The following ASNS variants were observed in gnomAD, a reference collection of about 807,000 sequenced individuals.
The protein encoded by ASNS is asparagine synthetase (glutamine-hydrolyzing).
ASNS carries 37 observed loss-of-function variants against 62.6 expected under a neutral mutation model. The observed-to-expected ratio is 0.59, with a 90% confidence interval of 0.45 to 0.78. The LOEUF (loss-of-function observed/expected upper bound fraction) is 0.78, where lower values mean the gene tolerates loss of function less well. ASNS is among the 30% of genes least tolerant of loss of function. ASNS has a pLI of 0.00. For synonymous variants in ASNS, 207 were observed against 237.9 expected, an observed-to-expected ratio of 0.87 and a Z score of 1.19; for missense variants, 520 against 682.4, an observed-to-expected ratio of 0.76 and a Z score of 2.65.
At chr7:97,887,358 G>A in the ASNS span, among the ~76,000 whole-genome samples, 1 of 152,188 alleles carries the variant, frequency 6.6e-6, no homozygotes, top group Non-Finnish European at 1.5e-5. Flanking sequence ...TTGTATTGGT[G>A]GTTAGAGGGT....
chr7:97,892,943 G>A, the ASNS span, among the ~76,000 whole-genome samples: 7 of 152,134 alleles, frequency 4.6e-5, no homozygotes, highest in Non-Finnish European at 1.0e-4. Flanking sequence ...GTATCTTTTA[G>A]CAACACCCCA....
chr7:97,864,006 C>A, intron 4 of ASNS: 1 of 363,110 alleles, frequency 2.8e-6, no homozygotes, highest in African/African-American at 2.1e-5. Context: ...CACTTAAGAT[C>A]AAGCTAGATG....
chr7:97,870,004 C>G, intron 1 of ASNS, 191 bp from the exon 2 acceptor site: 1 of 215,594 alleles, frequency 4.6e-6, no homozygotes, highest in Non-Finnish European at 9.1e-6. Flanking sequence ...GAGACATATA[C>G]ACCAACAACA....
chr7:97,917,216 CAAAAAAAAAA>C, the ASNS span, among the ~76,000 whole-genome samples: 4 of 113,652 alleles, frequency 3.5e-5, no homozygotes, highest in African/African-American at 1.3e-4. Flanking sequence ...ATATTTGCAC[CAAAAAAAAAA>C]AAAAAAAAAA....
chr7:97,862,325 G>A (rs1436989184), intron 4 of ASNS, among the ~76,000 whole-genome samples: 3 of 152,094 alleles, frequency 2.0e-5, no homozygotes, highest in African/African-American at 7.2e-5. Context: ...AACTATAAAT[G>A]TATACTGCTA....
At position 97,852,458 on chromosome 7, in the gene ASNS, G is replaced by C; in HGVS notation, c.1487C>G (p.Ala496Gly). 6.2e-7 allele frequency: 1 copy of C among 1,614,078 alleles called. No homozygotes were observed. The highest frequency in any genetic ancestry group is 8.5e-7 in the Non-Finnish European group (1 of 1,179,976). Residue 496 changes from alanine to glycine, a missense_variant, in exon 13 of 13, where the codon GCA (alanine) becomes GGA (glycine). Physicochemically the swap from Ala to Gly is moderately conservative, Grantham distance 60. Transcript: ENST00000394308. ...QEYVEHQVDD[A>G]MMANAAQKFP... is the part of the protein sequence containing the mutation. ...TTTCTGGGCTGCATTTGCCATCATTGCATCATCAACCTGTAAGAATAAGCA... is the reference window on the plus strand; with the variant it reads ...TTTCTGGGCTGCATTTGCCATCATTCCATCATCAACCTGTAAGAATAAGCA...
At position 97,854,754 on chromosome 7, in the gene ASNS, C is replaced by A. The variant is rs567144114; in HGVS notation, c.1138-74G>T. On this transcript the variant is annotated intron_variant, in intron 9 of 12. Coordinates refer to ENST00000394308, the MANE Select transcript of ASNS (RefSeq NM_001673.5). ...CAGTTTTTCTTTCTCCCTCTCCAAT[C>A]CTAAAGGTGGATAAGACAAAAAGTT... The A allele has an allele frequency of 7.0e-4, 1,125 of 1,601,870 alleles. 1 individual carries two copies. The highest frequency in any genetic ancestry group is 9.3e-4 in the Non-Finnish European group (1,089 of 1,173,582).
At chr7:97,888,068 G>A in the ASNS span, among the ~76,000 whole-genome samples, 2 of 152,172 alleles carry the variant, frequency 1.3e-5, no homozygotes, top group Admixed American at 1.3e-4. Context: ...TCAAAATCCT[G>A]GGCTCAAGTG....
the ASNS span, among the ~76,000 whole-genome samples, chr7:97,920,062 C>T: frequency 1.3e-5 from 2 of 151,204 alleles, no homozygotes; most frequent in Non-Finnish European, 1.5e-5. Context: ...GGCTGGAGTA[C>T]AGTGGCACAA....
the ASNS span, among the ~76,000 whole-genome samples, chr7:97,927,276 CA>C: frequency 1.3e-5 from 2 of 152,058 alleles, no homozygotes. Context: ...AAAAACACAC[CA>C]AGGCATGAGT....
At chr7:97,878,490 G>A in the ASNS span, among the ~76,000 whole-genome samples, 90 of 152,216 alleles carry the variant, frequency 5.9e-4, no homozygotes, top group Non-Finnish European at 8.4e-4. Context: ...ACAAGCATTC[G>A]TATACACCAA....
chr7:97,866,449 T>C (rs1307393634), intron 3 of ASNS, among the ~76,000 whole-genome samples: 1 of 152,186 alleles, frequency 6.6e-6, no homozygotes, highest in African/African-American at 2.4e-5. Flanking sequence ...TGTCTGCCAC[T>C]GCATGCAGAG....
the ASNS span, chr7:97,898,656 C>T: frequency 3.0e-6 from 2 of 667,616 alleles, no homozygotes. Context: ...TGGTGCTGAG[C>T]ATAAGAGGTC....
the ASNS span, among the ~76,000 whole-genome samples, chr7:97,880,831 A>T: frequency 6.6e-6 from 1 of 152,020 alleles, no homozygotes; most frequent in African/African-American, 2.4e-5. Context: ...AGATTTTAAA[A>T]CCCCAGTGCC....
the ASNS span, among the ~76,000 whole-genome samples, chr7:97,916,149 G>A: frequency 6.6e-5 from 10 of 152,090 alleles, no homozygotes; most frequent in Non-Finnish European, 1.2e-4. Context: ...TTGGGAGGCC[G>A]AGTTGGATCA....
rs1323875795 is a variant in ASNS at position 97,856,748 on chromosome 7, C to T, written c.972G>A (p.Leu324=). Residue 324 remains leucine, a synonymous_variant, in exon 8 of 13, where the codon CTG becomes CTA. Coordinates refer to ENST00000394308, the MANE Select transcript of ASNS (RefSeq NM_001673.5). ...TTTCCAAGGAAAATATGACTTCATC[C>T]AGAGCCTGAATGCCTTCCTCAGAGT... ...LFNSEEGIQA[L]DEVIFSLETY... is the part of the protein sequence containing the mutation. 1 of 1,613,370 alleles carries T rather than the reference C, an allele frequency of 6.2e-7. No individual in the cohort carries two copies. The highest frequency in any genetic ancestry group is 8.5e-7 in the Non-Finnish European group (1 of 1,179,682).
At chr7:97,861,801 G>A (rs551141374) in intron 4 of ASNS, among the ~76,000 whole-genome samples, 1 of 152,254 alleles carries the variant, frequency 6.6e-6, no homozygotes, top group South Asian at 2.1e-4. Context: ...ATGATCATGG[G>A]ATACTTTTCC....
the ASNS span, among the ~76,000 whole-genome samples, chr7:97,896,602 G>A: frequency 0.018 from 1,852 of 105,112 alleles, no homozygotes; most frequent in East Asian, 0.023. Flanking sequence ...ATCTCAAAAA[G>A]AAAAAAAAAA....
the ASNS span, among the ~76,000 whole-genome samples, chr7:97,924,156 A>C: frequency 6.6e-6 from 1 of 152,152 alleles, no homozygotes; most frequent in East Asian, 1.9e-4. Context: ...CTCCCAGCAC[A>C]GTAAGACTTG....
Sources: allele counts gnomAD v4.1 joint callset (sites outside exome capture counted in the v4.1 genomes callset), GRCh38; gene constraint gnomAD v4.1.1; transcripts MANE v1.5; gene names NCBI Gene and HGNC (gene_info 2026-07-23, HGNC 2026-07-21).